ENOSF1: variants seen among roughly 807,000 people sequenced by gnomAD.
ENOSF1 encodes enolase superfamily member 1.
A neutral mutation model predicts 68.2 loss-of-function variants in ENOSF1; 73 were observed. That is an observed-to-expected ratio of 1.07 (90% CI 0.89 to 1.30). The LOEUF (loss-of-function observed/expected upper bound fraction) is 1.30. Ranked by LOEUF, ENOSF1 falls within the 50% of genes most tolerant of loss-of-function variation. The probability of loss-of-function intolerance (pLI) is 0.00; values close to 1 mark genes in which losing one functional copy is unlikely to be tolerated. For synonymous variants in ENOSF1, 223 were observed against 210.4 expected (o/e 1.06, Z -0.52); for missense variants, 589 against 554.5 (o/e 1.06, Z -0.62).
the ENOSF1 span, among the ~76,000 whole-genome samples, chr18:663,192 T>G: frequency 1.0e-5 from 1 of 95,340 alleles, no homozygotes; most frequent in Non-Finnish European, 1.9e-5. Flanking sequence ...TTCCTGACTT[T>G]TTAATGATTG....
In ENOSF1 at chr18:709,973, TAC is replaced by T. The variant is rs532126066; in HGVS notation, c.84+2529_84+2530del. On this transcript the variant is annotated intron_variant, in intron 1 of 15. Transcript: ENST00000647584. Reference sequence around the variant, plus strand: ...GGCACTTGAGAGCTGGCACACAACATACACCCTATCTCCCCAAGATAAAATGC... The same window carrying T: ...GGCACTTGAGAGCTGGCACACAACATACCCTATCTCCCCAAGATAAAATGC... Among the ~76,000 whole-genome samples the T allele has an allele frequency of 3.9e-5, 6 of 152,312 alleles. No individual in the cohort carries two copies. In the East Asian group the frequency reaches 1.2e-3, roughly 29 times the overall value.
intron 3 of ENOSF1, among the ~76,000 whole-genome samples, chr18:696,890 G>A (rs1206008843): frequency 6.6e-6 from 1 of 152,120 alleles, no homozygotes; most frequent in Non-Finnish European, 1.5e-5. Context: ...GCTGAGGAAG[G>A]CGGATCACTT....
intron 11 of ENOSF1, among the ~76,000 whole-genome samples, chr18:679,083 T>C (rs1388509105): frequency 1.3e-5 from 2 of 152,216 alleles, no homozygotes; most frequent in Non-Finnish European, 2.9e-5. Flanking sequence ...ACAGGGCTAT[T>C]CGGAGTGGCT....
chr18:673,712 T>TG lies in ENOSF1; in HGVS notation c.*592_*593insC, dbSNP rs1409714074. ...ATATAATGACCATTTAGGATAGAGTTTTTTTTTTTTTTTTTTAAACTTTTA... is the reference window on the plus strand; with the variant it reads ...ATATAATGACCATTTAGGATAGAGTTGTTTTTTTTTTTTTTTTAAACTTTTA... On this transcript the variant is annotated 3_prime_UTR_variant, in exon 16 of 16. Coordinates refer to ENST00000647584, the MANE Select transcript of ENOSF1 (RefSeq NM_017512.7). 1.8e-5 allele frequency: 1 copy of TG among 57,092 alleles called. No homozygotes were observed. The highest frequency in any genetic ancestry group is 1.3e-4 in the African/African-American group (1 of 7,780). The allele number at this position is 57,092 out of a possible 1,614,324, so 3.5% of individuals were successfully genotyped here.
chr18:703,139 A>G (rs2078550461), intron 2 of ENOSF1, among the ~76,000 whole-genome samples: 1 of 152,140 alleles, frequency 6.6e-6, no homozygotes, highest in Non-Finnish European at 1.5e-5. Flanking sequence ...CTTAGCACAA[A>G]AGAGTCATTA....
At chr18:693,270 G>A (rs1598693110) in intron 5 of ENOSF1, 6 of 1,282,930 alleles carry the variant, frequency 4.7e-6, no homozygotes, top group Non-Finnish European at 6.1e-6. Context: ...GTACAGTAGA[G>A]GCTACAATGG....
At position 688,587 on chromosome 18, in the gene ENOSF1, C is replaced by T; in HGVS notation, c.640G>A (p.Asp214Asn). The change falls in exon 9 of 16, where the codon GAT (aspartate) becomes AAT (asparagine). Residue 214 changes from aspartate (D) to asparagine (N), a missense_variant. By Grantham distance (23) the Asp-to-Asn change is conservative (BLOSUM62 1). Transcript: ENST00000647584. ...LKQLCAQALK[D>N]GWTRFKVKVG... ...CATCACACTCACCTGGTCCAGCCAT[C>T]CTTCAGCGCCTGGGCACAGAGCTGT... The T allele has an allele frequency of 6.2e-7, 1 of 1,614,090 alleles. No individual in the cohort carries two copies. The highest frequency in any genetic ancestry group is 8.5e-7 in the Non-Finnish European group (1 of 1,180,012).
intron 2 of ENOSF1, among the ~76,000 whole-genome samples, chr18:698,194 T>C (rs1007230225): frequency 6.6e-6 from 1 of 152,238 alleles, no homozygotes; most frequent in African/African-American, 2.4e-5. Flanking sequence ...CACATTGTGA[T>C]TGGCTGTCAC....
chr18:683,447 C>T, intron 10 of ENOSF1, 67 bp from the exon 11 acceptor site: 1 of 1,585,286 alleles, frequency 6.3e-7, no homozygotes, highest in Non-Finnish European at 8.6e-7. Context: ...CTGCGGCTCC[C>T]AGGGAGGAAA....
At chr18:687,202 T>C (rs985181558) in intron 9 of ENOSF1, 5 of 152,222 alleles carry the variant, frequency 3.3e-5, no homozygotes, top group Admixed American at 1.3e-4. Context: ...CAGCAAGTAC[T>C]TGCAGCGGAT....
chr18:711,654 G>A (rs765486951), intron 1 of ENOSF1, among the ~76,000 whole-genome samples: 5 of 152,166 alleles, frequency 3.3e-5, no homozygotes, highest in Non-Finnish European at 5.9e-5. Context: ...GGGCAGGGGA[G>A]GGAAGGCCTG....
chr18:706,815 A>ATATTT (rs760562263), intron 1 of ENOSF1: 9,873 of 130,868 alleles, frequency 0.075, 389 homozygotes, highest in Middle Eastern at 0.11. Context: ...ATATATATAT[A>ATATTT]TTTTTTTTTT....
chr18:683,181 C>T lies in ENOSF1; in HGVS notation c.876+65G>A. On this transcript the variant is annotated intron_variant, in intron 11 of 15. Coordinates refer to ENST00000647584, the MANE Select transcript of ENOSF1 (RefSeq NM_017512.7). Reference sequence around the variant, plus strand: ...CAAGTGAAGAAATTTTAGGATCTGTCCCCAGCACTCTGGAAAACTAAACAG... The same window carrying T: ...CAAGTGAAGAAATTTTAGGATCTGTTCCCAGCACTCTGGAAAACTAAACAG... 3 of 1,598,450 alleles carry T rather than the reference C, an allele frequency of 1.9e-6. No individual in the cohort carries two copies. The South Asian group carries it at 3.4e-5, about 18-fold the overall frequency.
intron 8 of ENOSF1, among the ~76,000 whole-genome samples, chr18:688,973 G>A (rs910685521): frequency 2.6e-5 from 4 of 152,170 alleles, no homozygotes; most frequent in Admixed American, 6.5e-5. Context: ...CTAGAAGTGG[G>A]CACAGTGTAA....
chr18:692,344 C>T (rs1001579700), intron 5 of ENOSF1: 1 of 152,208 alleles, frequency 6.6e-6, no homozygotes, highest in Non-Finnish European at 1.5e-5. Context: ...CGGTGGCTCA[C>T]ATCTGTAATC....
At chr18:708,793 G>C (rs911051101) in intron 1 of ENOSF1, among the ~76,000 whole-genome samples, 1 of 152,172 alleles carries the variant, frequency 6.6e-6, no homozygotes. Flanking sequence ...GGGGTCAGAA[G>C]AGGGAGAGAC....
chr18:700,965 G>A (rs1427578060), intron 2 of ENOSF1, among the ~76,000 whole-genome samples: 1 of 146,718 alleles, frequency 6.8e-6, no homozygotes, highest in Admixed American at 6.8e-5. Context: ...AGAAAAAAAA[G>A]GCCCTTGAAA....
In ENOSF1 at chr18:673,063, A is replaced by T. The variant is rs1303772608; in HGVS notation, c.*1242T>A. 2 of 1,434,354 alleles carry T rather than the reference A, an allele frequency of 1.4e-6. No homozygotes were observed. The highest frequency in any genetic ancestry group is 4.3e-5 in the Admixed American group (2 of 46,024). 88.9% of individuals were successfully genotyped at this position (1,434,354 alleles called of 1,614,324 possible). On this transcript the variant is annotated 3_prime_UTR_variant, in exon 16 of 16. Coordinates refer to ENST00000647584, the MANE Select transcript of ENOSF1 (RefSeq NM_017512.7). The stretch of plus-strand genomic sequence containing the variant: ...GGGGTTGGGCTGGATGCCGAGGTAA[A>T]AGTTCTTTTTGCTCTAAAAGAAAAA...
chr18:709,904 G>A (rs2079331125), intron 1 of ENOSF1, among the ~76,000 whole-genome samples: 1 of 152,176 alleles, frequency 6.6e-6, no homozygotes. Context: ...GGCATGTGAA[G>A]CCATCTCCAT....
Sources: gnomAD v4.1 joint callset for allele counts (sites outside exome capture counted in the v4.1 genomes callset) on GRCh38, gnomAD v4.1.1 for gene constraint, MANE v1.5 for transcripts, NCBI Gene and HGNC (gene_info 2026-07-23, HGNC 2026-07-21) for gene names.